PREP: variants seen among roughly 807,000 people sequenced by gnomAD.
PREP encodes prolyl endopeptidase, also known as dJ355L5.1 (prolyl endopeptidase).
PREP carries 29 observed loss-of-function variants against 87.6 expected under a neutral mutation model. The observed-to-expected ratio is 0.33, with a 90% CI of 0.25 to 0.45. The LOEUF (loss-of-function observed/expected upper bound fraction) is 0.45, where lower values mean the gene tolerates loss of function less well. Ranked by LOEUF, PREP falls within the 20% of genes least tolerant of loss-of-function variation. PREP has a pLI of 1.00. For synonymous variants in PREP, 337 were observed against 328.6 expected, an observed-to-expected ratio of 1.03 and a Z score of -0.28; for missense variants, 695 against 886.5, an observed-to-expected ratio of 0.78 and a Z score of 2.74.
chr6:105,344,217 G>A lies in PREP; in HGVS notation c.823+8755C>T, dbSNP rs571314020. On this transcript the variant is annotated intron_variant, in intron 7 of 14. Transcript: ENST00000652536. Reference sequence around the variant, plus strand: ...TAAAAAGGGATGAGTTCGGCTGGGCGCGGTGGCTCACGCCTGTAATCCCAG... The same window carrying A: ...TAAAAAGGGATGAGTTCGGCTGGGCACGGTGGCTCACGCCTGTAATCCCAG... Among the ~76,000 whole-genome samples the A allele has an allele frequency of 3.9e-5, 6 of 152,146 alleles. No individual in the cohort carries two copies. In the South Asian group the frequency reaches 6.2e-4, roughly 16 times the overall value.
intron 10 of PREP, among the ~76,000 whole-genome samples, chr6:105,301,497 C>G (rs1033837193): frequency 6.6e-6 from 1 of 152,204 alleles, no homozygotes; most frequent in African/African-American, 2.4e-5. Flanking sequence ...TTACATGTTT[C>G]TGTGCTGTAC....
intron 5 of PREP, among the ~76,000 whole-genome samples, chr6:105,370,177 G>T (rs965727154): frequency 2.8e-4 from 42 of 151,402 alleles, no homozygotes; most frequent in Non-Finnish European, 7.4e-5. Context: ...GCTTGAACCC[G>T]GGACAGAAGA....
intron 10 of PREP, among the ~76,000 whole-genome samples, chr6:105,304,866 G>A (rs1368254002): frequency 1.3e-5 from 2 of 152,216 alleles, no homozygotes; most frequent in East Asian, 1.9e-4. Context: ...GATTACATAA[G>A]CTTTCTGAGG....
intron 5 of PREP, among the ~76,000 whole-genome samples, chr6:105,370,827 A>C (rs1254115525): frequency 2.0e-5 from 3 of 152,212 alleles, no homozygotes; most frequent in African/African-American, 7.2e-5. Context: ...CAAAACTATA[A>C]AGACAGTAAA....
intron 6 of PREP, among the ~76,000 whole-genome samples, chr6:105,358,646 A>T (rs961554457): frequency 6.6e-5 from 10 of 152,090 alleles, no homozygotes; most frequent in Admixed American, 6.5e-4. Context: ...GCAGAAAGAC[A>T]TGTCTCCTGA....
intron 6 of PREP, among the ~76,000 whole-genome samples, chr6:105,360,942 TATGTACACAC>T (rs1772231731): frequency 6.6e-6 from 1 of 152,104 alleles, no homozygotes; most frequent in African/African-American, 2.4e-5. Flanking sequence ...CACACATACA[TATGTACACAC>T]ACATATATAT....
In PREP at chr6:105,397,946, G is replaced by T; in HGVS notation, c.46-19C>A. The T allele has an allele frequency of 6.4e-7, 1 of 1,551,932 alleles. No individual in the cohort carries two copies. Among genetic ancestry groups the T allele is most frequent in the East Asian group, 2.2e-5 (1 of 44,526 alleles). ...CCTGTACCTGTAAAAAACAAAATGA[G>T]GTATTAGATAATTACTCTCTAACCC... On this transcript the variant is annotated intron_variant, in intron 1 of 14. Transcript: ENST00000652536.
At position 105,287,427 on chromosome 6, in the gene PREP, G is replaced by A. The variant is rs771213582; in HGVS notation, c.1454+1331C>T. On this transcript the variant is annotated intron_variant, in intron 11 of 14. Coordinates refer to ENST00000652536, the MANE Select transcript of PREP (RefSeq NM_002726.5). ...TCTTTCGAAAATATTGTTCTACATCGTGATTTTACACAAAAACCTCCCATC... is the reference window on the plus strand; with the variant it reads ...TCTTTCGAAAATATTGTTCTACATCATGATTTTACACAAAAACCTCCCATC... 9.9e-5 allele frequency among the ~76,000 whole-genome samples: 15 copies of A among 152,134 alleles called. No homozygotes were observed. The South Asian group carries it at 1.7e-3, about 17-fold the overall frequency.
At chr6:105,338,032 A>C (rs1180320840) in intron 7 of PREP, among the ~76,000 whole-genome samples, 1 of 152,254 alleles carries the variant, frequency 6.6e-6, no homozygotes, top group African/African-American at 2.4e-5. Context: ...AAAGAAAAAC[A>C]ATTTAAGTAA....
At chr6:105,306,122 C>T (rs577147167) in intron 10 of PREP, among the ~76,000 whole-genome samples, 52 of 152,230 alleles carry the variant, frequency 3.4e-4, no homozygotes, top group African/African-American at 1.2e-3. Flanking sequence ...GGATTACAAG[C>T]GTGAGCCACC....
At chr6:105,295,023 T>C (rs1770377196) in intron 10 of PREP, among the ~76,000 whole-genome samples, 1 of 152,190 alleles carries the variant, frequency 6.6e-6, no homozygotes, top group Non-Finnish European at 1.5e-5. Context: ...ACTCCGGAAA[T>C]GGCAACTTGC....
At chr6:105,356,724 A>G (rs1426468937) in intron 6 of PREP, among the ~76,000 whole-genome samples, 2 of 152,348 alleles carry the variant, frequency 1.3e-5, no homozygotes, top group African/African-American at 4.8e-5. Context: ...CCTATTGATC[A>G]ATATCTGAAA....
chr6:105,281,700 T>A, intron 14 of PREP, 46 bp downstream of exon 14: 1 of 1,590,446 alleles, frequency 6.3e-7, no homozygotes, highest in Non-Finnish European at 8.6e-7. Flanking sequence ...TGTGTTCAAC[T>A]TTATATCAAA....
chr6:105,282,407 A>G, intron 13 of PREP, 44 bp downstream of exon 13: 1 of 1,589,740 alleles, frequency 6.3e-7, no homozygotes, highest in Non-Finnish European at 8.6e-7. Flanking sequence ...GAAAACCCCA[A>G]GAGGGCTAAC....
At chr6:105,339,937 A>G (rs11755530) in intron 7 of PREP, among the ~76,000 whole-genome samples, 44,087 of 152,102 alleles carry the variant, frequency 0.29, 7,797 homozygotes, top group African/African-American at 0.51. Flanking sequence ...GAAAGTGATG[A>G]GGAGAATGGA....
chr6:105,290,534 T>C (rs1770279683), intron 10 of PREP, among the ~76,000 whole-genome samples: 1 of 152,160 alleles, frequency 6.6e-6, no homozygotes, highest in Non-Finnish European at 1.5e-5. Flanking sequence ...TACCCTGATC[T>C]TCATGCAGCC....
At chr6:105,360,142 GAACAAGAGTC>G (rs1772209236) in intron 6 of PREP, among the ~76,000 whole-genome samples, 1 of 152,158 alleles carries the variant, frequency 6.6e-6, no homozygotes, top group African/African-American at 2.4e-5. Flanking sequence ...ACTAGAAACA[GAACAAGAGTC>G]AACAGATGGA....
chr6:105,386,527 C>G (rs1772998873), intron 2 of PREP, among the ~76,000 whole-genome samples: 1 of 152,066 alleles, frequency 6.6e-6, no homozygotes, highest in Non-Finnish European at 1.5e-5. Context: ...GAAATTTTGT[C>G]ACATGCCTTG....
intron 10 of PREP, among the ~76,000 whole-genome samples, chr6:105,297,257 A>C (rs1170055494): frequency 6.6e-6 from 1 of 152,258 alleles, no homozygotes; most frequent in East Asian, 1.9e-4. Flanking sequence ...AAACCAGCTC[A>C]GAGCTCTCTA....
Sources: gnomAD v4.1 joint callset for allele counts (sites outside exome capture counted in the v4.1 genomes callset) on GRCh38, gnomAD v4.1.1 for gene constraint, MANE v1.5 for transcripts, NCBI Gene and HGNC (gene_info 2026-07-23, HGNC 2026-07-21) for gene names.